PTPN3: variants seen among roughly 807,000 people sequenced by gnomAD.
PTPN3 encodes tyrosine-protein phosphatase non-receptor type 3.
Under a neutral mutation model 132.7 loss-of-function variants are expected in PTPN3, and 96 were observed. The ratio of observed to expected loss-of-function variants is 0.72; its 90% CI spans 0.61 to 0.86. The LOEUF (loss-of-function observed/expected upper bound fraction) is 0.86. Ranked by LOEUF, PTPN3 falls within the 40% of genes least tolerant of loss-of-function variation. The probability of loss-of-function intolerance (pLI) is 0.00; values close to 1 mark genes in which losing one functional copy is unlikely to be tolerated. For missense variants in PTPN3, 1,125 were observed against 1,159.6 expected (o/e 0.97, Z 0.43); for synonymous variants, 398 against 429.0 (o/e 0.93, Z 0.89).
intron 19 of PTPN3, among the ~76,000 whole-genome samples, chr9:109,399,493 A>G (rs1190391768): frequency 1.3e-5 from 2 of 152,182 alleles, no homozygotes; most frequent in Admixed American, 1.3e-4. Context: ...GTTAACAGAG[A>G]CAACATATGT....
At chr9:109,406,698 C>G (rs1841596705) in intron 17 of PTPN3, 80 bp from the exon 18 acceptor site, 3 of 1,554,072 alleles carry the variant, frequency 1.9e-6, no homozygotes, top group Non-Finnish European at 2.6e-6. Context: ...GCTCTGCTCC[C>G]AGACACCTGG....
the PTPN3 span, chr9:109,534,339 G>C: frequency 6.6e-7 from 1 of 1,513,422 alleles, no homozygotes; most frequent in Admixed American, 2.1e-5. Context: ...TCAAGGTTGT[G>C]GTGATGGTGA....
chr9:109,497,126 C>T (rs938264158), intron 1 of PTPN3, among the ~76,000 whole-genome samples: 2 of 152,094 alleles, frequency 1.3e-5, no homozygotes, highest in Non-Finnish European at 2.9e-5. Flanking sequence ...ATTGTTTTTC[C>T]GAAGGCCTTG....
At chr9:109,382,589 C>T (rs928439643) in intron 23 of PTPN3, 142 bp from the exon 24 acceptor site, 10 of 896,922 alleles carry the variant, frequency 1.1e-5, no homozygotes, top group Non-Finnish European at 1.7e-5. Flanking sequence ...AGCAATTCCT[C>T]CCCTCCTTCC....
chr9:109,533,492 C>G, the PTPN3 span: 2 of 1,595,650 alleles, frequency 1.3e-6, no homozygotes, highest in East Asian at 4.5e-5. Context: ...GCGGCGGTAC[C>G]GACGTTGAGG....
Position 109,463,567 on chromosome 9 carries a change from T to G in PTPN3, c.-17-116A>C. On this transcript the variant is annotated intron_variant, in intron 1 of 25. Coordinates refer to ENST00000374541, the MANE Select transcript of PTPN3 (RefSeq NM_002829.4). ...TACTGTCTGACGGACTCACAGATAATGAGAACTACATAGCAGATCATGTTT... is the reference window on the plus strand; with the variant it reads ...TACTGTCTGACGGACTCACAGATAAGGAGAACTACATAGCAGATCATGTTT... 3.2e-6 allele frequency: 3 copies of G among 923,254 alleles called. No homozygotes were observed. The South Asian group carries it at 5.5e-5, about 17-fold the overall frequency. The allele number at this position is 923,254 out of a possible 1,614,324, so 57.2% of individuals were successfully genotyped here. A position where few individuals can be genotyped will look rare whatever the true frequency, so the allele number is the denominator to read the frequency against.
At chr9:109,524,444 A>C in the PTPN3 span, among the ~76,000 whole-genome samples, 21 of 152,204 alleles carry the variant, frequency 1.4e-4, no homozygotes, top group Non-Finnish European at 2.9e-4. Flanking sequence ...CTCACTACTC[A>C]TGTGAAATGC....
chr9:109,482,078 A>G (rs1369040764), intron 1 of PTPN3, among the ~76,000 whole-genome samples: 1 of 152,250 alleles, frequency 6.6e-6, no homozygotes, highest in East Asian at 1.9e-4. Context: ...AAATGAATGA[A>G]TGAACAACTA....
At chr9:109,434,660 G>T (rs1486486896) in intron 9 of PTPN3, among the ~76,000 whole-genome samples, 1 of 152,206 alleles carries the variant, frequency 6.6e-6, no homozygotes, top group Non-Finnish European at 1.5e-5. Flanking sequence ...TCACAACTGA[G>T]TGTGAACCTT....
intron 22 of PTPN3, among the ~76,000 whole-genome samples, chr9:109,386,814 C>T (rs1236596236): frequency 6.6e-6 from 1 of 152,170 alleles, no homozygotes; most frequent in Non-Finnish European, 1.5e-5. Context: ...CCAGGCAACC[C>T]TCTGGAAAGG....
rs1441791859 is a variant in PTPN3, at chr9:109,378,635, G to A, written c.*921C>T. On this transcript the variant is annotated 3_prime_UTR_variant, in exon 26 of 26. Transcript: ENST00000374541. ...TTACTAGAAGCTCTTTTCTCAGAAG[G>A]CCAAACATTCGGAATATTTAGATGA... is the stretch of plus-strand genomic sequence containing the variant. 4 of 152,578 alleles carry A rather than the reference G, an allele frequency of 2.6e-5. No homozygotes were observed. Among genetic ancestry groups the A allele is most frequent in the Non-Finnish European group, 4.4e-5 (3 of 68,042 alleles). 9.5% of individuals were successfully genotyped at this position (152,578 alleles called of 1,614,324 possible). A position where few individuals can be genotyped will look rare whatever the true frequency, so the allele number is the denominator to read the frequency against.
the PTPN3 span, among the ~76,000 whole-genome samples, chr9:109,508,033 AT>A: frequency 7.2e-5 from 11 of 151,926 alleles, no homozygotes; most frequent in African/African-American, 2.7e-4. Flanking sequence ...GAAACAACAC[AT>A]TCGACTGTCT....
rs549617184 is a variant in PTPN3 at position 109,459,309 on chromosome 9, G to T, written c.139-1910C>A. ...ATCCAAGTCAGCTTCCCTGACATCT[G>T]CTCCTGGTCACAAGGTGGGCTGGGC... is the stretch of plus-strand genomic sequence containing the variant. On this transcript the variant is annotated intron_variant, in intron 2 of 25. Transcript: ENST00000374541. Among the ~76,000 whole-genome samples the T allele has an allele frequency of 5.3e-5, 8 of 152,332 alleles. No individual in the cohort carries two copies. The South Asian group carries it at 1.5e-3, about 28-fold the overall frequency.
At chr9:109,481,818 A>C (rs143180131) in intron 1 of PTPN3, among the ~76,000 whole-genome samples, 94 of 152,312 alleles carry the variant, frequency 6.2e-4, no homozygotes, top group African/African-American at 2.1e-3. Context: ...ACAAGAGGGG[A>C]AGGCAGATGG....
the PTPN3 span, chr9:109,532,944 GTTTTTTTTTTTTTTTT>G: frequency 4.7e-4 from 146 of 311,924 alleles, no homozygotes; most frequent in South Asian, 1.5e-3. Flanking sequence ...TCTTTTCTGG[GTTTTTTTTTTTTTTTT>G]TTTTTTTTTT....
At chr9:109,402,286 CTT>C (rs145827455) in intron 19 of PTPN3, among the ~76,000 whole-genome samples, 1 of 126,750 alleles carries the variant, frequency 7.9e-6, no homozygotes, top group East Asian at 2.0e-4. Flanking sequence ...TCTACATTTC[CTT>C]TTTTTTTTAT....
chr9:109,383,485 A>G lies in PTPN3; in HGVS notation c.2320T>C (p.Cys774Arg), dbSNP rs150008661. 1 of 1,613,924 alleles carries G rather than the reference A, an allele frequency of 6.2e-7. No individual in the cohort carries two copies. Among genetic ancestry groups the G allele is most frequent in the Admixed American group, 1.7e-5 (1 of 60,006 alleles). Reference sequence around the variant, plus strand: ...GCGATGGTGCAGTCCTCTGACTGACACTGGATGTGAAAGCCGCCGTGGTTC... The same window carrying G: ...GCGATGGTGCAGTCCTCTGACTGACGCTGGATGTGAAAGCCGCCGTGGTTC... ...VMNHGGFHIQ[C>R]QSEDCTIAYV... The change falls in exon 23 of 26, where the codon TGT becomes CGT. Residue 774 changes from cysteine to arginine, a missense_variant. Physicochemically the swap from Cys to Arg is radical, Grantham distance 180 (BLOSUM62 -3). Transcript: ENST00000374541.
Position 109,420,492 on chromosome 9 carries a change from C to T in PTPN3, c.1245G>A (p.Thr415=), listed in dbSNP as rs138148171. ...YITETEDVFY[T]YKGSLAPQDS... ...CTTGAGGGGCCAGAGAGCCCTTGTA[C>T]GTGTAAAATACATCTTCCGTTTCCG... Residue 415 remains threonine (T), a synonymous_variant, in exon 14 of 26, where the codon ACG becomes ACA. Transcript: ENST00000374541. 49 of 1,613,558 alleles carry T rather than the reference C, an allele frequency of 3.0e-5. 1 individual carries two copies. The highest frequency in any genetic ancestry group is 1.6e-4 in the East Asian group (7 of 44,880).
intron 1 of PTPN3, among the ~76,000 whole-genome samples, chr9:109,489,682 G>T (rs1217972003): frequency 6.6e-6 from 1 of 151,956 alleles, no homozygotes; most frequent in Non-Finnish European, 1.5e-5. Context: ...TGATTAGCAG[G>T]GACGCCCAGC....
Sources: allele counts gnomAD v4.1 joint callset (sites outside exome capture counted in the v4.1 genomes callset), GRCh38; gene constraint gnomAD v4.1.1; transcripts MANE v1.5; gene names NCBI Gene and HGNC (gene_info 2026-07-23, HGNC 2026-07-21).